Variants in MIPOL1 observed in about 807,000 individuals in gnomAD.
The protein encoded by MIPOL1 is mirror-image polydactyly gene 1 protein.
MIPOL1 carries 57 observed loss-of-function variants against 60.9 expected under a neutral mutation model. The observed-to-expected ratio is 0.94, with a 90% CI of 0.76 to 1.17. The LOEUF is 1.17. Among genes scored for constraint, MIPOL1 ranks in the 50% most tolerant of loss-of-function variants. The pLI, the probability that MIPOL1 is intolerant of heterozygous loss-of-function variation, is 0.00. For missense variants in MIPOL1, 551 were observed against 511.6 expected (o/e 1.08, Z -0.74); for synonymous variants, 179 against 168.8 (o/e 1.06, Z -0.47).
intron 11 of MIPOL1, among the ~76,000 whole-genome samples, chr14:37,488,205 C>A (rs2094984149): frequency 6.6e-6 from 1 of 152,112 alleles, no homozygotes; most frequent in South Asian, 2.1e-4. Context: ...CTATGATTTC[C>A]ATTCTTTTGC....
intron 6 of MIPOL1, 55 bp downstream of exon 6, chr14:37,270,580 T>C (rs765621925): frequency 5.4e-6 from 5 of 933,744 alleles, no homozygotes; most frequent in Non-Finnish European, 7.8e-6. Flanking sequence ...AAGGTTATTA[T>C]ATGATGTATC....
intron 1 of MIPOL1, among the ~76,000 whole-genome samples, chr14:37,226,134 A>G (rs1811390414): frequency 6.6e-6 from 1 of 152,176 alleles, no homozygotes; most frequent in Admixed American, 6.5e-5. Context: ...TAGGAAGCTC[A>G]AAACTTTCCC....
Position 37,266,951 on chromosome 14 carries a change from T to G in MIPOL1, c.33T>G (p.Ser11Arg). The G allele has an allele frequency of 6.2e-7, 1 of 1,611,332 alleles. No homozygotes were observed. The highest frequency in any genetic ancestry group is 1.3e-5 in the African/African-American group (1 of 74,840). Residue 11 changes from serine to arginine, a missense_variant, in exon 4 of 13, where the codon AGT becomes AGG. Transcript: ENST00000684589. MENWSKDITHSYLEQETTGIN... is the reference protein window; with the variant it reads MENWSKDITHRYLEQETTGIN... ...GTTTAAATACAGACATAACCCACAG[T>G]TATCTTGAACAAGAAACTACGGGGA...
At chr14:37,530,003 A>T (rs1166199545) in intron 12 of MIPOL1, among the ~76,000 whole-genome samples, 2 of 152,214 alleles carry the variant, frequency 1.3e-5, no homozygotes, top group East Asian at 1.9e-4. Flanking sequence ...CTCACTTAGC[A>T]TTGGAAGATT....
chr14:37,407,332 C>G (rs1348789690), intron 10 of MIPOL1, among the ~76,000 whole-genome samples: 1 of 152,252 alleles, frequency 6.6e-6, no homozygotes, highest in Non-Finnish European at 1.5e-5. Context: ...ACTTTAAACA[C>G]TGAGTGTTTA....
At chr14:37,450,459 G>A (rs2094400865) in intron 11 of MIPOL1, among the ~76,000 whole-genome samples, 1 of 151,962 alleles carries the variant, frequency 6.6e-6, no homozygotes, top group Non-Finnish European at 1.5e-5. Context: ...CTTGCTTCTA[G>A]TAACTGATTT....
intron 1 of MIPOL1, among the ~76,000 whole-genome samples, chr14:37,243,374 A>C (rs1972653318): frequency 6.6e-6 from 1 of 152,188 alleles, no homozygotes; most frequent in Non-Finnish European, 1.5e-5. Flanking sequence ...TTGTATAATA[A>C]GATGAAAATC....
chr14:37,482,704 C>T (rs2094889529), intron 11 of MIPOL1, among the ~76,000 whole-genome samples: 1 of 152,148 alleles, frequency 6.6e-6, no homozygotes, highest in South Asian at 2.1e-4. Context: ...AGGTTCCTCC[C>T]TCGACACCTG....
intron 11 of MIPOL1, among the ~76,000 whole-genome samples, chr14:37,490,814 G>C (rs550949254): frequency 3.9e-5 from 6 of 152,236 alleles, no homozygotes; most frequent in Admixed American, 2.6e-4. Flanking sequence ...GATGAACCAG[G>C]TACCTCAGTA....
rs553594288 is a variant in MIPOL1 at position 37,224,716 on chromosome 14, C to T, written c.-198-22387C>T. ...CCAAACCATATCGTTCCACCCCGGC[C>T]CCTCCCAAATCTCATGTTCTCACAT... is the stretch of plus-strand genomic sequence containing the variant. On this transcript the variant is annotated intron_variant, in intron 1 of 12. Transcript: ENST00000684589. Among the ~76,000 whole-genome samples the T allele has an allele frequency of 2.6e-5, 4 of 152,178 alleles. No individual in the cohort carries two copies. The South Asian group carries it at 8.3e-4, about 32-fold the overall frequency.
intron 11 of MIPOL1, among the ~76,000 whole-genome samples, chr14:37,463,440 C>A (rs1359080675): frequency 1.3e-5 from 2 of 151,976 alleles, no homozygotes; most frequent in Non-Finnish European, 2.9e-5. Flanking sequence ...AACAAAGAAC[C>A]CAAAAATAAA....
At chr14:37,506,239 T>C (rs1022350280) in intron 12 of MIPOL1, 1 of 152,154 alleles carries the variant, frequency 6.6e-6, no homozygotes, top group Non-Finnish European at 1.5e-5. Context: ...TTCACAGAAT[T>C]GGAAAAAACT....
intron 11 of MIPOL1, among the ~76,000 whole-genome samples, chr14:37,447,381 C>G (rs2094353940): frequency 6.6e-6 from 1 of 152,130 alleles, no homozygotes. Flanking sequence ...CAACTACACT[C>G]TAGTTCTCCT....
chr14:37,432,392 C>G (rs2094087608), intron 11 of MIPOL1, among the ~76,000 whole-genome samples: 1 of 152,122 alleles, frequency 6.6e-6, no homozygotes, highest in Non-Finnish European at 1.5e-5. Flanking sequence ...AAAGTTAACA[C>G]TAGATTGAAA....
chr14:37,248,593 A>G (rs1479281135), intron 3 of MIPOL1, among the ~76,000 whole-genome samples: 1 of 152,092 alleles, frequency 6.6e-6, no homozygotes, highest in African/African-American at 2.4e-5. Context: ...TTTCAGACAT[A>G]TAGCGAAAGA....
At chr14:37,299,528 CTA>C (rs2086172975) in intron 7 of MIPOL1, among the ~76,000 whole-genome samples, 1 of 152,050 alleles carries the variant, frequency 6.6e-6, no homozygotes, top group Non-Finnish European at 1.5e-5. Context: ...GTTCATGAGT[CTA>C]TATGATGGGA....
intron 12 of MIPOL1, among the ~76,000 whole-genome samples, chr14:37,513,650 A>AT (rs1172887114): frequency 2.0e-5 from 3 of 152,132 alleles, no homozygotes; most frequent in African/African-American, 7.2e-5. Context: ...TAGACTCTGT[A>AT]TTTTCCCTAA....
chr14:37,371,644 A>G (rs1422919050), intron 10 of MIPOL1, among the ~76,000 whole-genome samples: 1 of 152,134 alleles, frequency 6.6e-6, no homozygotes, highest in East Asian at 1.9e-4. Context: ...AGCTTGTTTT[A>G]AAATGGTCTG....
At chr14:37,251,203 G>A (rs1974032087) in intron 3 of MIPOL1, among the ~76,000 whole-genome samples, 1 of 152,016 alleles carries the variant, frequency 6.6e-6, no homozygotes, top group Admixed American at 6.6e-5. Flanking sequence ...TTGGACTACA[G>A]GCATGAGTCA....
Sources: gnomAD v4.1 joint callset for allele counts (sites outside exome capture counted in the v4.1 genomes callset) on GRCh38, gnomAD v4.1.1 for gene constraint, MANE v1.5 for transcripts, NCBI Gene and HGNC (gene_info 2026-07-23, HGNC 2026-07-21) for gene names.